CH25H: variants seen among roughly 807,000 people sequenced by gnomAD.
The protein encoded by CH25H is cholesterol 25-monooxygenase.
CH25H carries 10 observed loss-of-function variants against 16.6 expected under a neutral mutation model. The observed-to-expected ratio is 0.60, with a 90% CI of 0.37 to 1.02. The LOEUF (loss-of-function observed/expected upper bound fraction) is 1.02. CH25H is among the 50% of genes least tolerant of loss of function. The pLI is 0.01. For synonymous variants in CH25H, 178 were observed against 158.8 expected, an observed-to-expected ratio of 1.12 and a Z score of -0.91; for missense variants, 326 against 344.7, an observed-to-expected ratio of 0.95 and a Z score of 0.43.
rs368528654 is a variant in CH25H, at chr10:89,206,980, G to A, written c.313C>T (p.Leu105=). 10 of 1,614,028 alleles carry A rather than the reference G, an allele frequency of 6.2e-6. No homozygotes were observed. The highest frequency in any genetic ancestry group is 8.5e-6 in the Non-Finnish European group (10 of 1,180,040). Residue 105 remains leucine, a synonymous_variant, in exon 1 of 1, where the codon CTG becomes TTG. Coordinates refer to ENST00000371852, the MANE Select transcript of CH25H (RefSeq NM_003956.4). ...AGGGCCGGGCTGCGGGCCCAATGCA[G>A]CAGCGTCACGGGGAACACAAACATC... ...HVMFVFPVTL[L]HWARSPALLP... is the part of the protein sequence containing the mutation.
At position 89,206,848 on chromosome 10, in the gene CH25H, C is replaced by A. The variant is rs1415581312; in HGVS notation, c.445G>T (p.Val149Leu). ...TGGAAGGTGCGGTACAGCCAGGGCA[C>A]CTTGTGGTGCAGCAGGTGCCACACG... ...FFVWHLLHHK[V>L]PWLYRTFHKV... The change falls in exon 1 of 1, where the codon GTG (valine) becomes TTG (leucine). Residue 149 changes from valine (V) to leucine (L), a missense_variant. Val to Leu is a conservative substitution (Grantham distance 32). Transcript: ENST00000371852. 2.5e-6 allele frequency: 4 copies of A among 1,614,222 alleles called. No individual in the cohort carries two copies. Among genetic ancestry groups the A allele is most frequent in the Non-Finnish European group, 2.5e-6 (3 of 1,180,020 alleles).
Position 89,206,265 on chromosome 10 carries a change from A to C in CH25H, c.*209T>G. The C allele has an allele frequency of 1.8e-6, 1 of 562,462 alleles. No individual in the cohort carries two copies. Among genetic ancestry groups the C allele is most frequent in the Non-Finnish European group, 3.2e-6 (1 of 315,548 alleles). The allele number at this position is 562,462 out of a possible 1,614,324, so 34.8% of individuals were successfully genotyped here. ...GAGGTGAGCTAGACTAAGAATACCA[A>C]GAACACAAAATTGTATTGATACACA... On this transcript the variant is annotated 3_prime_UTR_variant, in exon 1 of 1. Coordinates refer to ENST00000371852, the MANE Select transcript of CH25H (RefSeq NM_003956.4).
chr10:89,206,896 G>A lies in CH25H; in HGVS notation c.397C>T (p.Leu133=). 1 of 1,614,264 alleles carries A rather than the reference G, an allele frequency of 6.2e-7. No individual in the cohort carries two copies. Among genetic ancestry groups the A allele is most frequent in the Non-Finnish European group, 8.5e-7 (1 of 1,180,048 alleles). ...LLLHHILFCL[L]LFDMEFFVWH... ...ACGAAGAACTCCATGTCGAAGAGTA[G>A]CAGGCAGAACAGGATGTGGTGCAGC... The change falls in exon 1 of 1, where the codon CTA becomes TTA. Residue 133 remains leucine (L), a synonymous_variant. Transcript: ENST00000371852.
Position 89,207,020 on chromosome 10 carries a change from G to A in CH25H, c.273C>T (p.Thr91=). The A allele has an allele frequency of 6.2e-7, 1 of 1,614,170 alleles. No homozygotes were observed. Among genetic ancestry groups the A allele is most frequent in the Non-Finnish European group, 8.5e-7 (1 of 1,180,028 alleles). The part of the protein sequence containing the change: ...AQQLLPCLGQ[T]LYQHVMFVFP... Reference sequence around the variant, plus strand: ...ACACAAACATCACATGCTGGTAGAGGGTCTGCCCCAGGCAAGGTAGCAGCT... The same window carrying A: ...ACACAAACATCACATGCTGGTAGAGAGTCTGCCCCAGGCAAGGTAGCAGCT... The change falls in exon 1 of 1, where the codon ACC becomes ACT. Residue 91 remains threonine (T), a synonymous_variant. Coordinates refer to ENST00000371852, the MANE Select transcript of CH25H (RefSeq NM_003956.4).
chr10:89,206,993 G>C lies in CH25H; in HGVS notation c.300C>G (p.Phe100Leu). ...GGGCCCAATGCAGCAGCGTCACGGG[G>C]AACACAAACATCACATGCTGGTAGA... ...QTLYQHVMFV[F>L]PVTLLHWARS... is the part of the protein sequence containing the mutation. The change falls in exon 1 of 1, where the codon TTC becomes TTG. Residue 100 changes from phenylalanine to leucine, a missense_variant. Physicochemically the swap from Phe to Leu is conservative, Grantham distance 22. Coordinates refer to ENST00000371852, the MANE Select transcript of CH25H (RefSeq NM_003956.4). 6.2e-7 allele frequency: 1 copy of C among 1,614,128 alleles called. No individual in the cohort carries two copies.
rs1433015955 is a variant in CH25H, at chr10:89,205,803, C to G, written c.*671G>C. On this transcript the variant is annotated 3_prime_UTR_variant, in exon 1 of 1. Transcript: ENST00000371852. ...CCTGCCTCCTTTTCTCTAACAACCC[C>G]CAACAGAACACCCTACACCCAGATT... The G allele has an allele frequency of 6.6e-6, 1 of 152,210 alleles. No homozygotes were observed. Among genetic ancestry groups the G allele is most frequent in the Non-Finnish European group, 1.5e-5 (1 of 68,078 alleles). 9.4% of individuals were successfully genotyped at this position (152,210 alleles called of 1,614,324 possible).
chr10:89,206,963 G>A lies in CH25H; in HGVS notation c.330C>T (p.Ser110=), dbSNP rs1842511661. Residue 110 remains serine (S), a synonymous_variant, in exon 1 of 1, where the codon AGC becomes AGT. Coordinates refer to ENST00000371852, the MANE Select transcript of CH25H (RefSeq NM_003956.4). ...FPVTLLHWAR[S]PALLPHEAPE... is the part of the protein sequence containing the mutation. ...GAGCTTCGTGGGGCAGGAGGGCCGGGCTGCGGGCCCAATGCAGCAGCGTCA... is the reference window on the plus strand; with the variant it reads ...GAGCTTCGTGGGGCAGGAGGGCCGGACTGCGGGCCCAATGCAGCAGCGTCA... The A allele has an allele frequency of 1.2e-6, 2 of 1,614,036 alleles. No homozygotes were observed. The highest frequency in any genetic ancestry group is 8.5e-7 in the Non-Finnish European group (1 of 1,180,034).
At position 89,206,465 on chromosome 10, in the gene CH25H, G is replaced by A. The variant is rs761712979; in HGVS notation, c.*9C>T. 7 of 1,595,622 alleles carry A rather than the reference G, an allele frequency of 4.4e-6. No individual in the cohort carries two copies. Among genetic ancestry groups the A allele is most frequent in the African/African-American group, 2.7e-5 (2 of 74,668 alleles). ...GTCCCGAGTCTTAGGGGCACCCACC[G>A]CAGCCACATCACCGCGCTGGGACAG... On this transcript the variant is annotated 3_prime_UTR_variant, in exon 1 of 1. Coordinates refer to ENST00000371852, the MANE Select transcript of CH25H (RefSeq NM_003956.4).
Position 89,207,093 on chromosome 10 carries a change from G to C in CH25H, c.200C>G (p.Ala67Gly). Residue 67 changes from alanine (A) to glycine (G), a missense_variant, in exon 1 of 1, where the codon GCC becomes GGC. By Grantham distance (60) the Ala-to-Gly change is moderately conservative (BLOSUM62 0). Coordinates refer to ENST00000371852, the MANE Select transcript of CH25H (RefSeq NM_003956.4). The stretch of plus-strand genomic sequence containing the variant: ...AGGGTGGATCTTGTAGCGCCGCAGG[G>C]CGGGCACCCAGGAGCACAGGATATC... ...VLDILCSWVP[A>G]LRRYKIHPDF... The C allele has an allele frequency of 6.2e-7, 1 of 1,613,986 alleles. No homozygotes were observed. The highest frequency in any genetic ancestry group is 8.5e-7 in the Non-Finnish European group (1 of 1,179,942).
In CH25H at chr10:89,206,445, G is replaced by T. The variant is rs760912477; in HGVS notation, c.*29C>A. 3.2e-6 allele frequency: 5 copies of T among 1,553,360 alleles called. No homozygotes were observed. The South Asian group carries it at 4.6e-5, about 14-fold the overall frequency. On this transcript the variant is annotated 3_prime_UTR_variant, in exon 1 of 1. Transcript: ENST00000371852. ...CAAGTGTGAAAGGCACAGCAGTCCC[G>T]AGTCTTAGGGGCACCCACCGCAGCC... is the stretch of plus-strand genomic sequence containing the variant.
chr10:89,206,655 T>G lies in CH25H; in HGVS notation c.638A>C (p.Glu213Ala). ...FHVVNIWLSVEDHSGYNFPWS... is the reference protein window; with the variant it reads ...FHVVNIWLSVADHSGYNFPWS... The stretch of plus-strand genomic sequence containing the variant: ...AGGGAAGTTGTAGCCGGAGTGGTCC[T>G]CCACGGAAAGCCAGATGTTGACCAC... The change falls in exon 1 of 1, where the codon GAG becomes GCG. Residue 213 changes from glutamate to alanine, a missense_variant. Physicochemically the swap from Glu to Ala is moderately radical, Grantham distance 107. Transcript: ENST00000371852. The G allele has an allele frequency of 6.2e-7, 1 of 1,614,218 alleles. No individual in the cohort carries two copies. Among genetic ancestry groups the G allele is most frequent in the South Asian group, 1.1e-5 (1 of 91,082 alleles).
At position 89,206,844 on chromosome 10, in the gene CH25H, G is replaced by A; in HGVS notation, c.449C>T (p.Pro150Leu). 1.9e-6 allele frequency: 3 copies of A among 1,614,202 alleles called. No homozygotes were observed. The highest frequency in any genetic ancestry group is 1.1e-5 in the South Asian group (1 of 91,076). ...CTTGTGGAAGGTGCGGTACAGCCAG[G>A]GCACCTTGTGGTGCAGCAGGTGCCA... ...FVWHLLHHKV[P>L]WLYRTFHKVH... The change falls in exon 1 of 1, where the codon CCC (proline) becomes CTC (leucine). Residue 150 changes from proline to leucine, a missense_variant. Coordinates refer to ENST00000371852, the MANE Select transcript of CH25H (RefSeq NM_003956.4).
In CH25H at chr10:89,207,077, C is replaced by T. The variant is rs1842512998; in HGVS notation, c.216G>A (p.Lys72=). 6 of 1,613,896 alleles carry T rather than the reference C, an allele frequency of 3.7e-6. No homozygotes were observed. The highest frequency in any genetic ancestry group is 5.1e-6 in the Non-Finnish European group (6 of 1,179,960). ...CSWVPALRRY[K]IHPDFSPSAQ... is the part of the protein sequence containing the mutation. ...CGGATGGCGAGAAGTCAGGGTGGATCTTGTAGCGCCGCAGGGCGGGCACCC... is the reference window on the plus strand; with the variant it reads ...CGGATGGCGAGAAGTCAGGGTGGATTTTGTAGCGCCGCAGGGCGGGCACCC... Residue 72 remains lysine (K), a synonymous_variant, in exon 1 of 1, where the codon AAG becomes AAA. Coordinates refer to ENST00000371852, the MANE Select transcript of CH25H (RefSeq NM_003956.4).
Position 89,207,002 on chromosome 10 carries a change from C to T in CH25H, c.291G>A (p.Met97Ile). The T allele has an allele frequency of 6.2e-7, 1 of 1,614,156 alleles. No individual in the cohort carries two copies. The highest frequency in any genetic ancestry group is 8.5e-7 in the Non-Finnish European group (1 of 1,180,012). The stretch of plus-strand genomic sequence containing the variant: ...GCAGCAGCGTCACGGGGAACACAAA[C>T]ATCACATGCTGGTAGAGGGTCTGCC... Reference protein sequence around the residue: ...CLGQTLYQHVMFVFPVTLLHW... With the variant: ...CLGQTLYQHVIFVFPVTLLHW... Residue 97 changes from methionine (M) to isoleucine (I), a missense_variant, in exon 1 of 1, where the codon ATG becomes ATA. Coordinates refer to ENST00000371852, the MANE Select transcript of CH25H (RefSeq NM_003956.4).
At position 89,206,614 on chromosome 10, in the gene CH25H, G is replaced by C. The variant is rs759087851; in HGVS notation, c.679C>G (p.Leu227Val). 6.2e-7 allele frequency: 1 copy of C among 1,614,218 alleles called. No individual in the cohort carries two copies. Among genetic ancestry groups the C allele is most frequent in the South Asian group, 1.1e-5 (1 of 91,088 alleles). The change falls in exon 1 of 1, where the codon CTG becomes GTG. Residue 227 changes from leucine to valine, a missense_variant. By Grantham distance (32) the Leu-to-Val change is conservative. Coordinates refer to ENST00000371852, the MANE Select transcript of CH25H (RefSeq NM_003956.4). Reference protein sequence around the residue: ...GYNFPWSTHRLVPFGWYGGVV... With the variant: ...GYNFPWSTHRVVPFGWYGGVV... ...CCCCCGTACCACCCGAAGGGCACCA[G>C]TCTGTGAGTGGACCAAGGGAAGTTG...
At position 89,206,435 on chromosome 10, in the gene CH25H, C is replaced by T. The variant is rs376586376; in HGVS notation, c.*39G>A. On this transcript the variant is annotated 3_prime_UTR_variant, in exon 1 of 1. Transcript: ENST00000371852. ...TCTCTTCATTCAAGTGTGAAAGGCA[C>T]AGCAGTCCCGAGTCTTAGGGGCACC... 10 of 1,488,154 alleles carry T rather than the reference C, an allele frequency of 6.7e-6. No homozygotes were observed. The highest frequency in any genetic ancestry group is 6.5e-6 in the Non-Finnish European group (7 of 1,082,736). The allele number at this position is 1,488,154 out of a possible 1,614,324, so 92.2% of individuals were successfully genotyped here. A position where few individuals can be genotyped will look rare whatever the true frequency, so the allele number is the denominator to read the frequency against.
At position 89,206,143 on chromosome 10, in the gene CH25H, CAT is replaced by C. The variant is rs1434976553; in HGVS notation, c.*329_*330del. The C allele has an allele frequency of 2.8e-5, 7 of 246,440 alleles. No individual in the cohort carries two copies. The highest frequency in any genetic ancestry group is 6.6e-5 in the South Asian group (1 of 15,112). 15.3% of individuals were successfully genotyped at this position (246,440 alleles called of 1,614,324 possible). A position where few individuals can be genotyped will look rare whatever the true frequency, so the allele number is the denominator to read the frequency against. ...AGCCAGGTTTTAGAACACTTTGAAA[CAT>C]AGAAAATTCCTTATTCTACAAACAA... On this transcript the variant is annotated 3_prime_UTR_variant, in exon 1 of 1. Coordinates refer to ENST00000371852, the MANE Select transcript of CH25H (RefSeq NM_003956.4).
Position 89,206,693 on chromosome 10 carries a change from G to C in CH25H, c.600C>G (p.Thr200=), listed in dbSNP as rs759414767. 3.7e-6 allele frequency: 6 copies of C among 1,614,222 alleles called. No homozygotes were observed. In the South Asian group the frequency reaches 6.6e-5, roughly 18 times the overall value. The change falls in exon 1 of 1, where the codon ACC becomes ACG. Residue 200 remains threonine, a synonymous_variant. Coordinates refer to ENST00000371852, the MANE Select transcript of CH25H (RefSeq NM_003956.4). ...VTLLGCHPLT[T]LTFHVVNIWL... The stretch of plus-strand genomic sequence containing the variant: ...AGATGTTGACCACGTGGAAGGTCAG[G>C]GTGGTGAGCGGGTGGCACCCGAGCA...
At position 89,206,228 on chromosome 10, in the gene CH25H, T is replaced by A. The variant is rs1277027936; in HGVS notation, c.*246A>T. The A allele has an allele frequency of 8.4e-6, 4 of 478,926 alleles. No individual in the cohort carries two copies. The Admixed American group carries it at 1.0e-4, about 12-fold the overall frequency. The allele number at this position is 478,926 out of a possible 1,614,324, so 29.7% of individuals were successfully genotyped here. ...ATGAATGTCTAATTCATATGCAGGA[T>A]TCAAGGCTATTGAGGTGAGCTAGAC... On this transcript the variant is annotated 3_prime_UTR_variant, in exon 1 of 1. Coordinates refer to ENST00000371852, the MANE Select transcript of CH25H (RefSeq NM_003956.4).
Sources: gnomAD v4.1 joint callset for allele counts on GRCh38, gnomAD v4.1.1 for gene constraint, MANE v1.5 for transcripts, NCBI Gene and HGNC (gene_info 2026-07-23, HGNC 2026-07-21) for gene names.